The following MUC5B variants were observed in gnomAD, a reference collection of about 807,000 sequenced individuals.
MUC5B encodes the protein mucin-5B.
Under a neutral mutation model 376.9 loss-of-function variants are expected in MUC5B, and 116 were observed. The observed-to-expected ratio is 0.31, with a 90% CI of 0.26 to 0.36. The LOEUF (loss-of-function observed/expected upper bound fraction) is 0.36, where lower values mean the gene tolerates loss of function less well. Ranked by LOEUF, MUC5B falls within the 10% of genes least tolerant of loss-of-function variation. MUC5B has a pLI of 1.00. For missense variants in MUC5B, 7,165 were observed against 7,769.9 expected, an observed-to-expected ratio of 0.92 and a Z score of 2.93; for synonymous variants, 3,517 against 3,390.9, an observed-to-expected ratio of 1.04 and a Z score of -1.29.
intron 13 of MUC5B, 42 bp from the exon 14 acceptor site, chr11:1,231,381 T>A: frequency 6.3e-7 from 1 of 1,578,456 alleles, no homozygotes; most frequent in Non-Finnish European, 8.6e-7. Context: ...GCCAGATCTG[T>A]CCCTGCACCC....
In MUC5B at chr11:1,259,736, C is replaced by A; in HGVS notation, c.16714-20C>A. 1.2e-6 allele frequency: 2 copies of A among 1,609,998 alleles called. No individual in the cohort carries two copies. The highest frequency in any genetic ancestry group is 1.7e-6 in the Non-Finnish European group (2 of 1,177,674). On this transcript the variant is annotated intron_variant, in intron 44 of 48. Coordinates refer to ENST00000529681, the MANE Select transcript of MUC5B (RefSeq NM_002458.3). ...GCTGGAGGAGAGGGTTAGGGCCTGA[C>A]GCCCCTCATGTCCCCACAGGGCTTT...
chr11:1,228,845 G>A (rs1211721361), intron 8 of MUC5B, 80 bp downstream of exon 8: 2 of 1,178,768 alleles, frequency 1.7e-6, no homozygotes, highest in African/African-American at 1.5e-5. Context: ...CACTGGGGGT[G>A]GGGAGGCCTG....
At chr11:1,229,831 C>G in intron 10 of MUC5B, 24 bp downstream of exon 10, 1 of 1,570,664 alleles carries the variant, frequency 6.4e-7, no homozygotes, top group Non-Finnish European at 8.6e-7. Context: ...CACCAGCCTC[C>G]GCCTGGGGTG....
chr11:1,235,565 TA>T, intron 23 of MUC5B, 152 bp downstream of exon 23: 1 of 676,050 alleles, frequency 1.5e-6, no homozygotes, highest in East Asian at 2.7e-5. Flanking sequence ...CCAGGGGGCT[TA>T]GACAACAGAA....
At chr11:1,231,084 C>T in intron 13 of MUC5B, 79 bp downstream of exon 13, 1 of 1,398,204 alleles carries the variant, frequency 7.2e-7, no homozygotes, top group Non-Finnish European at 9.8e-7. Flanking sequence ...GCAGCGTCCG[C>T]TCCATCCCTG....
At chr11:1,225,496 C>T (rs558604462) in intron 1 of MUC5B, among the ~76,000 whole-genome samples, 185 bp from the exon 2 acceptor site, 9 of 152,174 alleles carry the variant, frequency 5.9e-5, no homozygotes, top group African/African-American at 2.2e-4. Context: ...GTGGCCTGAG[C>T]GGCTGGGGAG....
At chr11:1,238,800 C>T (rs1862210084) in intron 25 of MUC5B, 71 bp from the exon 26 acceptor site, 2 of 1,494,940 alleles carry the variant, frequency 1.3e-6, no homozygotes, top group African/African-American at 1.4e-5. Flanking sequence ...CAGCAACTGG[C>T]CCTGGGCCAG....
chr11:1,231,078 C>T lies in MUC5B; in HGVS notation c.1540+73C>T, dbSNP rs1024488256. 1.9e-5 allele frequency: 27 copies of T among 1,427,900 alleles called. No homozygotes were observed. The African/African-American group carries it at 2.1e-4, about 11-fold the overall frequency. 88.5% of individuals were successfully genotyped at this position (1,427,900 alleles called of 1,614,324 possible). On this transcript the variant is annotated intron_variant, in intron 13 of 48. Coordinates refer to ENST00000529681, the MANE Select transcript of MUC5B (RefSeq NM_002458.3). The stretch of plus-strand genomic sequence containing the variant: ...GGGGCAGCTCCCACAGCCTGGGCAG[C>T]GTCCGCTCCATCCCTGCTAGTTCTC...
rs781253208 is a variant in MUC5B at position 1,229,711 on chromosome 11, C to T, written c.1124C>T (p.Thr375Met). The T allele has an allele frequency of 2.8e-5, 45 of 1,586,596 alleles. No homozygotes were observed. In the Admixed American group the frequency reaches 3.5e-4, roughly 12 times the overall value. The change falls in exon 10 of 49, where the codon ACG becomes ATG. Residue 375 changes from threonine to methionine, a missense_variant. Physicochemically the swap from Thr to Met is moderately conservative, Grantham distance 81. Coordinates refer to ENST00000529681, the MANE Select transcript of MUC5B (RefSeq NM_002458.3). ...ACAGGCACGGTGCTGGATGACATCA[C>T]GCACTCTGGCTGCCTGCCCCTCGGG... Reference protein sequence around the residue: ...CPPGTVLDDITHSGCLPLGQC... With the variant: ...CPPGTVLDDIMHSGCLPLGQC...
chr11:1,255,312 C>G, intron 36 of MUC5B, 46 bp downstream of exon 36: 1 of 1,512,286 alleles, frequency 6.6e-7, no homozygotes, highest in Non-Finnish European at 8.9e-7. Flanking sequence ...CGCCCCCGCC[C>G]GCCCGCATGC....
Position 1,234,976 on chromosome 11 carries a change from C to T in MUC5B, c.2631-109C>T. 5.0e-6 allele frequency: 7 copies of T among 1,413,096 alleles called. No individual in the cohort carries two copies. Among genetic ancestry groups the T allele is most frequent in the Admixed American group, 2.6e-5 (1 of 38,586 alleles). The allele number at this position is 1,413,096 out of a possible 1,614,324, so 87.5% of individuals were successfully genotyped here. A position where few individuals can be genotyped will look rare whatever the true frequency, so the allele number is the denominator to read the frequency against. ...TCCACGGAGGAGGGGTCAGGCTGGGCCTGGGGAGGCTGAGGCCCCGTGCTG... is the reference window on the plus strand; with the variant it reads ...TCCACGGAGGAGGGGTCAGGCTGGGTCTGGGGAGGCTGAGGCCCCGTGCTG... On this transcript the variant is annotated intron_variant, in intron 21 of 48. Transcript: ENST00000529681. The surrounding 1 kb of genome is among the most constrained non-coding windows in gnomAD (Gnocchi z 6.3).
rs1411146861 is a variant in MUC5B at position 1,253,096 on chromosome 11, T to C, written c.15217+116T>C. ...CACAGTGGGGTGCAGTGGGGAATGGTGGGGCATGGTGGGGCATGGTGGGGT... is the reference window on the plus strand; with the variant it reads ...CACAGTGGGGTGCAGTGGGGAATGGCGGGGCATGGTGGGGCATGGTGGGGT... On this transcript the variant is annotated intron_variant, in intron 33 of 48. Transcript: ENST00000529681. This position sits in a 1 kb window ranked among gnomAD's most constrained non-coding sequence, Gnocchi z 4.3. 4 of 322,782 alleles carry C rather than the reference T, an allele frequency of 1.2e-5. No homozygotes were observed. In the East Asian group the frequency reaches 3.6e-4, roughly 29 times the overall value. The allele number at this position is 322,782 out of a possible 1,614,324, so 20.0% of individuals were successfully genotyped here. A position where few individuals can be genotyped will look rare whatever the true frequency, so the allele number is the denominator to read the frequency against.
rs1173775809 is a variant in MUC5B at position 1,256,767 on chromosome 11, C to T, written c.16233C>T (p.Ala5411=). ...CACACATGGGCATCTGCGTGCAGGC[C>T]TGCCGTAAGCTCCGCCACCTGTGGC... The part of the protein sequence containing the change: ...FNAHMGICVQ[A]CPCVGPDGFP... Residue 5411 remains alanine, a synonymous_variant, in exon 39 of 49, where the codon GCC becomes GCT. Coordinates refer to ENST00000529681, the MANE Select transcript of MUC5B (RefSeq NM_002458.3). 2 of 1,530,720 alleles carry T rather than the reference C, an allele frequency of 1.3e-6. No individual in the cohort carries two copies. The highest frequency in any genetic ancestry group is 4.4e-5 in the Admixed American group (2 of 45,964). 94.8% of individuals were successfully genotyped at this position (1,530,720 alleles called of 1,614,324 possible). A position where few individuals can be genotyped will look rare whatever the true frequency, so the allele number is the denominator to read the frequency against.
chr11:1,256,664 C>T lies in MUC5B; in HGVS notation c.16137-7C>T, dbSNP rs56310773. 46,024 of 1,555,898 alleles carry T rather than the reference C, an allele frequency of 0.03. 859 individuals carry two copies. The highest frequency in any genetic ancestry group is 0.032 in the Non-Finnish European group (37,309 of 1,151,916). ...TAGGTCTCAGGGCCTCTCTTGTCAT[C>T]CTGCAGGAACCAGAGCCCACAGCTG... On this transcript the variant is annotated splice_polypyrimidine_tract_variant and splice_region_variant and intron_variant, in intron 38 of 48. Transcript: ENST00000529681.
chr11:1,249,124 C>A lies in MUC5B; in HGVS notation c.12244C>A (p.Pro4082Thr), dbSNP rs773159311. ...CAGGACCACCGAGTCACCCCCTTCCCCAGGGACGACCACCCCGGGCCACAC... is the reference window on the plus strand; with the variant it reads ...CAGGACCACCGAGTCACCCCCTTCCACAGGGACGACCACCCCGGGCCACAC... ...SSRTTESPPSPGTTTPGHTTA... is the reference protein window; with the variant it reads ...SSRTTESPPSTGTTTPGHTTA... The change falls in exon 31 of 49, where the codon CCA (proline) becomes ACA (threonine). Residue 4082 changes from proline to threonine, a missense_variant. Coordinates refer to ENST00000529681, the MANE Select transcript of MUC5B (RefSeq NM_002458.3). 1 of 1,611,338 alleles carries A rather than the reference C, an allele frequency of 6.2e-7. No individual in the cohort carries two copies. The highest frequency in any genetic ancestry group is 1.1e-5 in the South Asian group (1 of 90,966).
rs1429463860 is a variant in MUC5B, at chr11:1,227,317, G to A, written c.586G>A (p.Asp196Asn). 12 of 1,612,672 alleles carry A rather than the reference G, an allele frequency of 7.4e-6. No individual in the cohort carries two copies. The highest frequency in any genetic ancestry group is 1.0e-5 in the Non-Finnish European group (12 of 1,179,718). Residue 196 changes from aspartate to asparagine, a missense_variant, in exon 6 of 49, where the codon GAT becomes AAT. Physicochemically the swap from Asp to Asn is conservative, Grantham distance 23 (BLOSUM62 1). This residue lies in a region of MUC5B where 640 missense variants were observed against 733.0 expected (regional missense o/e 0.87). Transcript: ENST00000529681. ...NGEDSALLEL[D>N]PKYANQTCGL... is the part of the protein sequence containing the mutation. ...CCCTCCCCACTCTCAGCTGGAGCTGGATCCCAAATACGCCAACCAGACCTG... is the reference window on the plus strand; with the variant it reads ...CCCTCCCCACTCTCAGCTGGAGCTGAATCCCAAATACGCCAACCAGACCTG...
chr11:1,253,059 G>C lies in MUC5B; in HGVS notation c.15217+79G>C, dbSNP rs764630084. ...ACCGTCGGCTAGGCTGGCAGAATGGGGCATGGTGGGGCACAGTGGGGTGCA... is the reference window on the plus strand; with the variant it reads ...ACCGTCGGCTAGGCTGGCAGAATGGCGCATGGTGGGGCACAGTGGGGTGCA... On this transcript the variant is annotated intron_variant, in intron 33 of 48. Coordinates refer to ENST00000529681, the MANE Select transcript of MUC5B (RefSeq NM_002458.3). The surrounding 1 kb of genome is among the most constrained non-coding windows in gnomAD (Gnocchi z 4.3). 6.5e-7 allele frequency: 1 copy of C among 1,530,316 alleles called. No homozygotes were observed. The highest frequency in any genetic ancestry group is 1.8e-5 in the Admixed American group (1 of 56,280). The allele number at this position is 1,530,316 out of a possible 1,614,324, so 94.8% of individuals were successfully genotyped here.
chr11:1,256,806 G>C (rs1310552729), intron 39 of MUC5B, 35 bp downstream of exon 39: 1 of 1,483,206 alleles, frequency 6.7e-7, no homozygotes, highest in Non-Finnish European at 9.0e-7. Flanking sequence ...ATACGACCCT[G>C]GGCCCGACCC....
In MUC5B at chr11:1,235,130, G is replaced by T. The variant is rs1369532478; in HGVS notation, c.2676G>T (p.Leu892=). The change falls in exon 22 of 49, where the codon CTG becomes CTT. Residue 892 remains leucine, a synonymous_variant. Transcript: ENST00000529681. ...RRWECSHRLC[L]GTCVAYGDGH... ...GGGAGTGCAGCCACCGGCTCTGCCT[G>T]GGCACCTGCGTGGCCTACGGGGATG... 3.7e-6 allele frequency: 6 copies of T among 1,612,640 alleles called. No individual in the cohort carries two copies. The highest frequency in any genetic ancestry group is 2.2e-5 in the South Asian group (2 of 91,078).
Sources: gnomAD v4.1 joint callset for allele counts (sites outside exome capture counted in the v4.1 genomes callset) on GRCh38, gnomAD v4.1.1 for gene constraint, gnomAD v4.1.1 regional missense constraint, Gnocchi (gnomAD v3.1) non-coding constraint, MANE v1.5 for transcripts, NCBI Gene and HGNC (gene_info 2026-07-23, HGNC 2026-07-21) for gene names.